Variants in SHANK2 observed in about 807,000 individuals in gnomAD.
The protein encoded by SHANK2 is SH3 and multiple ankyrin repeat domains 2, also known as SH3 and multiple ankyrin repeat domains protein 2.
SHANK2 carries 43 observed loss-of-function variants against 133.7 expected under a neutral mutation model. That is an observed-to-expected ratio of 0.32 (90% confidence interval 0.25 to 0.41). The LOEUF (loss-of-function observed/expected upper bound fraction) is 0.41. Among genes scored for constraint, SHANK2 ranks in the 10% least tolerant of loss-of-function variants. The pLI is 1.00. For missense variants in SHANK2, 1,994 were observed against 2,235.8 expected (o/e 0.89, Z 2.18); for synonymous variants, 1,017 against 952.8 (o/e 1.07, Z -1.24).
At chr11:71,184,951 G>A (rs1389641243) in intron 2 of SHANK2, among the ~76,000 whole-genome samples, 1 of 152,162 alleles carries the variant, frequency 6.6e-6, no homozygotes, top group African/African-American at 2.4e-5. Context: ...TAAACACTCT[G>A]TTCCTGACGC....
intron 17 of SHANK2, among the ~76,000 whole-genome samples, chr11:70,609,705 TCA>T (rs2060630289): frequency 9.9e-6 from 1 of 100,628 alleles, no homozygotes; most frequent in Non-Finnish European, 2.1e-5. Flanking sequence ...TATTGTATAT[TCA>T]TATACTATAT....
At chr11:70,671,672 G>A (rs1387887254) in intron 15 of SHANK2, among the ~76,000 whole-genome samples, 1 of 152,332 alleles carries the variant, frequency 6.6e-6, no homozygotes, top group African/African-American at 2.4e-5. Flanking sequence ...AAGACACACG[G>A]GTGTGTTAGC....
chr11:71,190,187 T>C (rs1306147441), intron 2 of SHANK2, among the ~76,000 whole-genome samples: 22 of 152,242 alleles, frequency 1.4e-4, no homozygotes, highest in African/African-American at 5.3e-4. Context: ...GCTGCCATTA[T>C]TCAGTCCTCG....
intron 2 of SHANK2, among the ~76,000 whole-genome samples, chr11:71,199,643 G>A (rs1448458700): frequency 1.3e-5 from 2 of 152,198 alleles, no homozygotes; most frequent in Non-Finnish European, 2.9e-5. Context: ...GTGACAAGCC[G>A]GCCACTGCCC....
chr11:71,142,805 T>A (rs1555106023), intron 3 of SHANK2, among the ~76,000 whole-genome samples: 2 of 143,548 alleles, frequency 1.4e-5, no homozygotes, highest in Non-Finnish European at 1.5e-5. Flanking sequence ...TCTTTAGGAA[T>A]CTAGTCCAAA....
chr11:70,684,228 G>C (rs544768403), intron 15 of SHANK2, among the ~76,000 whole-genome samples: 13 of 152,192 alleles, frequency 8.5e-5, no homozygotes, highest in African/African-American at 3.1e-4. Flanking sequence ...CACCCTTGAA[G>C]TGTGAAAAAT....
At position 70,500,707 on chromosome 11, in the gene SHANK2, C is replaced by A; in HGVS notation, c.2288-117G>T. 7.2e-7 allele frequency: 1 copy of A among 1,390,974 alleles called. No homozygotes were observed. The highest frequency in any genetic ancestry group is 1.0e-6 in the Non-Finnish European group (1 of 1,000,264). 86.2% of individuals were successfully genotyped at this position (1,390,974 alleles called of 1,614,324 possible). On this transcript the variant is annotated intron_variant, in intron 20 of 25. Transcript: ENST00000601538. This position sits in a 1 kb window ranked among gnomAD's most constrained non-coding sequence, Gnocchi z 4.5. ...GGAGCAGGCTGGGCCGGCAATGGGG[C>A]GGCAGGCAGGGGCTGTCTGGAACGC...
At chr11:71,150,529 A>G (rs1321436618) in intron 2 of SHANK2, among the ~76,000 whole-genome samples, 1 of 151,988 alleles carries the variant, frequency 6.6e-6, no homozygotes, top group African/African-American at 2.4e-5. Context: ...GGTAACAATG[A>G]CATTGATAAT....
chr11:71,086,069 ATATAT>A (rs1344299160), intron 8 of SHANK2, among the ~76,000 whole-genome samples: 86 of 62,878 alleles, frequency 1.4e-3, no homozygotes, highest in African/African-American at 2.3e-3. Context: ...ATATTATATA[ATATAT>A]TATGTTATAT....
chr11:70,800,978 T>C (rs1278831510), intron 13 of SHANK2, among the ~76,000 whole-genome samples: 1 of 152,238 alleles, frequency 6.6e-6, no homozygotes, highest in Non-Finnish European at 1.5e-5. Flanking sequence ...ATGGAAGCTC[T>C]GCCCTATCTT....
intron 9 of SHANK2, among the ~76,000 whole-genome samples, chr11:71,061,916 G>A (rs989075988): frequency 4.0e-5 from 6 of 150,260 alleles, no homozygotes; most frequent in East Asian, 2.0e-4. Context: ...AAAATTTCCC[G>A]TCAAATCACC....
intron 12 of SHANK2, among the ~76,000 whole-genome samples, chr11:70,813,493 T>C (rs1948320430): frequency 6.6e-6 from 1 of 151,922 alleles, no homozygotes; most frequent in African/African-American, 2.4e-5. Flanking sequence ...GCCCCTGATG[T>C]GTAGAATTGT....
At chr11:70,916,065 T>A (rs1590829428) in intron 10 of SHANK2, among the ~76,000 whole-genome samples, 1 of 152,182 alleles carries the variant, frequency 6.6e-6, no homozygotes, top group East Asian at 1.9e-4. Flanking sequence ...GAGGCCTACA[T>A]ATTTTCTGCA....
rs1469902864 is a variant in SHANK2 at position 70,879,378 on chromosome 11, G to C, written c.1174+17123C>G. Among the ~76,000 whole-genome samples, 3 of 152,188 alleles carry C rather than the reference G, an allele frequency of 2.0e-5. No homozygotes were observed. The South Asian group carries it at 6.2e-4, about 32-fold the overall frequency. The stretch of plus-strand genomic sequence containing the variant: ...GGCTCCGATATTTGAAATCCCAAAA[G>C]GCACTTCAAGAAAGGACTCTCGATT... On this transcript the variant is annotated intron_variant, in intron 11 of 25. Coordinates refer to ENST00000601538, the MANE Select transcript of SHANK2 (RefSeq NM_012309.5).
chr11:71,115,866 G>C (rs1018640808), intron 4 of SHANK2, among the ~76,000 whole-genome samples: 1 of 152,186 alleles, frequency 6.6e-6, no homozygotes, highest in Non-Finnish European at 1.5e-5. Context: ...TGTAAGGTCC[G>C]TGGGATCAGA....
At chr11:71,236,045 T>C (rs1206497995) in intron 1 of SHANK2, among the ~76,000 whole-genome samples, 1 of 152,118 alleles carries the variant, frequency 6.6e-6, no homozygotes, top group Non-Finnish European at 1.5e-5. Flanking sequence ...ATTCCGTTCT[T>C]CCTGCTCAGC....
chr11:70,533,102 A>C (rs2059497400), intron 17 of SHANK2, among the ~76,000 whole-genome samples: 1 of 152,124 alleles, frequency 6.6e-6, no homozygotes, highest in South Asian at 2.1e-4. Flanking sequence ...GGGCAATGGG[A>C]GGGACGGCCC....
At position 71,198,922 on chromosome 11, in the gene SHANK2, G is replaced by C. The variant is rs558742945; in HGVS notation, c.-13+25775C>G. On this transcript the variant is annotated intron_variant, in intron 2 of 25. Transcript: ENST00000601538. ...GCTTTGAGAGTTGCCTGTGATGCTC[G>C]GCCCAGCATCGATGGTCATGACCAG... Among the ~76,000 whole-genome samples, 64 of 152,248 alleles carry C rather than the reference G, an allele frequency of 4.2e-4. 1 individual carries two copies. The East Asian group carries it at 0.011, about 27-fold the overall frequency.
At chr11:70,578,520 C>T (rs531448189) in intron 17 of SHANK2, among the ~76,000 whole-genome samples, 2 of 152,276 alleles carry the variant, frequency 1.3e-5, no homozygotes, top group East Asian at 3.9e-4. Context: ...CGACGGGCTC[C>T]GGAGGCCCAC....
Sources: gnomAD v4.1 joint callset for allele counts (sites outside exome capture counted in the v4.1 genomes callset) on GRCh38, gnomAD v4.1.1 for gene constraint, Gnocchi (gnomAD v3.1) non-coding constraint, MANE v1.5 for transcripts, NCBI Gene and HGNC (gene_info 2026-07-23, HGNC 2026-07-21) for gene names.